The following NTNG1 variants were observed in gnomAD, a reference collection of about 807,000 sequenced individuals.
The protein encoded by NTNG1 is netrin G1.
A neutral mutation model predicts 54.0 loss-of-function variants in NTNG1; 16 were observed. That is an observed-to-expected ratio of 0.30 (90% CI 0.20 to 0.45). The LOEUF is 0.45. Ranked by LOEUF, NTNG1 falls within the 20% of genes least tolerant of loss-of-function variation. NTNG1 has a pLI of 1.00. For synonymous variants in NTNG1, 255 were observed against 263.1 expected (o/e 0.97, Z 0.30); for missense variants, 530 against 678.7 (o/e 0.78, Z 2.43).
At chr1:107,326,258 T>C (rs1667947133) in intron 3 of NTNG1, among the ~76,000 whole-genome samples, 1 of 152,090 alleles carries the variant, frequency 6.6e-6, no homozygotes, top group Non-Finnish European at 1.5e-5. Context: ...TGCGAAGCTT[T>C]TCCTAAAATT....
chr1:107,407,817 G>T, intron 5 of NTNG1, 109 bp downstream of exon 5: 1 of 960,228 alleles, frequency 1.0e-6, no homozygotes, highest in Non-Finnish European at 1.7e-6. Flanking sequence ...TGATGTAATA[G>T]GGTATTTTCT....
chr1:107,313,174 T>C (rs1667124819), intron 2 of NTNG1, among the ~76,000 whole-genome samples: 1 of 152,192 alleles, frequency 6.6e-6, no homozygotes, highest in African/African-American at 2.4e-5. Context: ...TTTCTCAAAA[T>C]TTTTATGATA....
chr1:107,376,302 G>A (rs1358720555), intron 3 of NTNG1, among the ~76,000 whole-genome samples: 1 of 152,120 alleles, frequency 6.6e-6, no homozygotes, highest in Non-Finnish European at 1.5e-5. Flanking sequence ...CAGCTACTCG[G>A]GAGGCTGAGG....
intron 5 of NTNG1, chr1:107,421,238 T>C: frequency 1.2e-6 from 1 of 853,700 alleles, no homozygotes; most frequent in Non-Finnish European, 1.9e-6. Context: ...AGTGTACCCA[T>C]CAGCTTATTG....
intron 2 of NTNG1, among the ~76,000 whole-genome samples, chr1:107,270,743 A>G (rs924750690): frequency 3.9e-4 from 38 of 98,184 alleles, no homozygotes; most frequent in Non-Finnish European, 5.9e-4. Context: ...GCCAAAGTGC[A>G]GTGCTTGCTC....
chr1:107,449,021 C>T (rs908802256), intron 7 of NTNG1, among the ~76,000 whole-genome samples: 2 of 152,040 alleles, frequency 1.3e-5, no homozygotes, highest in African/African-American at 4.8e-5. Flanking sequence ...TGGCAATTAC[C>T]ATTTAATCTA....
At chr1:107,263,677 C>G (rs1047449308) in intron 2 of NTNG1, among the ~76,000 whole-genome samples, 1 of 152,166 alleles carries the variant, frequency 6.6e-6, no homozygotes, top group Non-Finnish European at 1.5e-5. Flanking sequence ...CTTAGCATTT[C>G]TTGTCTCCTT....
At chr1:107,444,049 A>G (rs1462693941) in intron 7 of NTNG1, among the ~76,000 whole-genome samples, 7 of 152,128 alleles carry the variant, frequency 4.6e-5, no homozygotes, top group Non-Finnish European at 1.0e-4. Context: ...TAGGCATTAC[A>G]AATAAGCTGG....
rs74490999 is a variant in NTNG1, at chr1:107,194,672, A to G, written c.246+45833A>G. Among the ~76,000 whole-genome samples, 1,288 of 152,128 alleles carry G rather than the reference A, an allele frequency of 8.5e-3. 14 individuals carry two copies. The highest frequency in any genetic ancestry group is 0.029 in the African/African-American group (1,221 of 41,534). On this transcript the variant is annotated intron_variant, in intron 2 of 7. Coordinates refer to ENST00000370068, the MANE Select transcript of NTNG1 (RefSeq NM_001113226.3). ...TTAGAAATTTTTAGTAGACACTGTT[A>G]AGTCTTCACAATGTTTCCATTAACT... is the stretch of plus-strand genomic sequence containing the variant.
chr1:107,293,776 T>C (rs1665773412), intron 2 of NTNG1, among the ~76,000 whole-genome samples: 1 of 152,174 alleles, frequency 6.6e-6, no homozygotes, highest in African/African-American at 2.4e-5. Context: ...AATTAACTAT[T>C]TTTTAATGAC....
chr1:107,165,999 A>C (rs994487179), intron 2 of NTNG1, among the ~76,000 whole-genome samples: 1 of 152,212 alleles, frequency 6.6e-6, no homozygotes, highest in Non-Finnish European at 1.5e-5. Context: ...ATAATGGGAG[A>C]TAACAATGAC....
At chr1:107,184,250 G>A (rs1453900637) in intron 2 of NTNG1, among the ~76,000 whole-genome samples, 1 of 151,970 alleles carries the variant, frequency 6.6e-6, no homozygotes, top group Non-Finnish European at 1.5e-5. Flanking sequence ...GATTCCAATT[G>A]TCTTCTTCCC....
intron 3 of NTNG1, among the ~76,000 whole-genome samples, chr1:107,354,939 G>A (rs1049996122): frequency 6.6e-6 from 1 of 152,144 alleles, no homozygotes; most frequent in African/African-American, 2.4e-5. Flanking sequence ...AGACAAGGGA[G>A]CAGTGTGCCC....
chr1:107,268,484 A>AT (rs1491534273), intron 2 of NTNG1, among the ~76,000 whole-genome samples: 28 of 41,942 alleles, frequency 6.7e-4, no homozygotes, highest in African/African-American at 1.6e-3. Context: ...GTCTCTCATC[A>AT]TATTTTTTTT....
chr1:107,318,847 GCA>G (rs1316067408), intron 2 of NTNG1, among the ~76,000 whole-genome samples: 1 of 152,114 alleles, frequency 6.6e-6, no homozygotes. Flanking sequence ...AAATGAGATT[GCA>G]CTACATGGCC....
chr1:107,232,672 AT>A (rs1661154370), intron 2 of NTNG1, among the ~76,000 whole-genome samples: 3 of 152,190 alleles, frequency 2.0e-5, no homozygotes, highest in African/African-American at 7.2e-5. Flanking sequence ...GATGAGCCAA[AT>A]TTAATTTTCT....
chr1:107,347,710 T>G (rs924851149), intron 3 of NTNG1, among the ~76,000 whole-genome samples: 3 of 152,092 alleles, frequency 2.0e-5, no homozygotes, highest in Non-Finnish European at 2.9e-5. Context: ...GGAAAGAGAT[T>G]TAATCGACTC....
At chr1:107,423,130 A>G (rs1674676077) in intron 5 of NTNG1, among the ~76,000 whole-genome samples, 1 of 152,030 alleles carries the variant, frequency 6.6e-6, no homozygotes, top group African/African-American at 2.4e-5. Context: ...AAACACCTCT[A>G]GCCTTCATTG....
At chr1:107,411,154 T>C (rs948482076) in intron 5 of NTNG1, among the ~76,000 whole-genome samples, 5 of 151,100 alleles carry the variant, frequency 3.3e-5, no homozygotes, top group Admixed American at 6.7e-5. Context: ...AAGCATAGAA[T>C]ACTGAGGAAG....
Sources: gnomAD v4.1 joint callset for allele counts (sites outside exome capture counted in the v4.1 genomes callset) on GRCh38, gnomAD v4.1.1 for gene constraint, MANE v1.5 for transcripts, NCBI Gene and HGNC (gene_info 2026-07-23, HGNC 2026-07-21) for gene names.